Variants in LRRTM4 observed in about 807,000 individuals in gnomAD.
The protein encoded by LRRTM4 is leucine-rich repeat transmembrane neuronal protein 4.
Under a neutral mutation model 47.6 loss-of-function variants are expected in LRRTM4, and 25 were observed. The ratio of observed to expected loss-of-function variants is 0.53; its 90% CI spans 0.38 to 0.73. The LOEUF (loss-of-function observed/expected upper bound fraction) is 0.73. Ranked by LOEUF, LRRTM4 falls within the 30% of genes least tolerant of loss-of-function variation. The pLI, the probability that LRRTM4 is intolerant of heterozygous loss-of-function variation, is 0.00. For synonymous variants in LRRTM4, 311 were observed against 269.5 expected, an observed-to-expected ratio of 1.15 and a Z score of -1.51; for missense variants, 638 against 713.4, an observed-to-expected ratio of 0.89 and a Z score of 1.20.
At chr2:77,114,471 C>G (rs1320302403) in intron 3 of LRRTM4, among the ~76,000 whole-genome samples, 1 of 152,118 alleles carries the variant, frequency 6.6e-6, no homozygotes, top group African/African-American at 2.4e-5. Context: ...CACCAGTTGT[C>G]AGGGAGTAGA....
At chr2:76,910,176 A>G (rs1295544779) in intron 3 of LRRTM4, among the ~76,000 whole-genome samples, 3 of 152,196 alleles carry the variant, frequency 2.0e-5, no homozygotes, top group Non-Finnish European at 4.4e-5. Context: ...ATAAAAAATG[A>G]TAAGTTTATG....
At chr2:76,855,843 C>T (rs545586704) in intron 3 of LRRTM4, among the ~76,000 whole-genome samples, 1 of 152,078 alleles carries the variant, frequency 6.6e-6, no homozygotes, top group South Asian at 2.1e-4. Context: ...ACAAATAACG[C>T]TGTTATTGAA....
intron 3 of LRRTM4, among the ~76,000 whole-genome samples, chr2:77,320,819 T>C (rs1228007784): frequency 6.6e-6 from 1 of 152,092 alleles, no homozygotes; most frequent in Non-Finnish European, 1.5e-5. Flanking sequence ...GATGTGAATC[T>C]ATATGTAATG....
intron 3 of LRRTM4, among the ~76,000 whole-genome samples, chr2:76,950,145 A>T (rs575163917): frequency 6.6e-6 from 1 of 152,088 alleles, no homozygotes; most frequent in East Asian, 1.9e-4. Flanking sequence ...GCCCTCCCAA[A>T]CACTTCAGAG....
At chr2:76,962,642 T>C (rs1185593294) in intron 3 of LRRTM4, among the ~76,000 whole-genome samples, 1 of 150,778 alleles carries the variant, frequency 6.6e-6, no homozygotes, top group Non-Finnish European at 1.5e-5. Flanking sequence ...AATAAATTTA[T>C]AAGCAAATTC....
intron 3 of LRRTM4, among the ~76,000 whole-genome samples, chr2:77,053,790 C>G (rs532309580): frequency 6.6e-6 from 1 of 151,898 alleles, no homozygotes; most frequent in South Asian, 2.1e-4. Context: ...AAATTTTGAG[C>G]TAAAAGAGAT....
At chr2:77,435,507 G>A (rs192683995) in intron 3 of LRRTM4, among the ~76,000 whole-genome samples, 99 of 152,140 alleles carry the variant, frequency 6.5e-4, no homozygotes, top group Non-Finnish European at 1.1e-3. Context: ...TATATAAAAT[G>A]ATTATAATGA....
chr2:77,359,211 T>C (rs1573306908), intron 3 of LRRTM4, among the ~76,000 whole-genome samples: 1 of 152,180 alleles, frequency 6.6e-6, no homozygotes, highest in East Asian at 1.9e-4. Flanking sequence ...GTTCTTGTTT[T>C]ATGACTTTAT....
At chr2:76,992,785 A>G (rs1164559644) in intron 3 of LRRTM4, among the ~76,000 whole-genome samples, 2 of 151,332 alleles carry the variant, frequency 1.3e-5, no homozygotes, top group African/African-American at 4.9e-5. Context: ...TCTAAAATTC[A>G]TATGGAATAA....
chr2:76,791,970 A>G (rs1674999157), intron 3 of LRRTM4, among the ~76,000 whole-genome samples: 1 of 152,202 alleles, frequency 6.6e-6, no homozygotes, highest in African/African-American at 2.4e-5. Flanking sequence ...TTTGTATCAG[A>G]TCTGGGTCAT....
chr2:76,791,268 C>T (rs377192845), intron 3 of LRRTM4, among the ~76,000 whole-genome samples: 1 of 152,188 alleles, frequency 6.6e-6, no homozygotes, highest in East Asian at 1.9e-4. Flanking sequence ...CACAGAGCAC[C>T]TTACCATCCT....
intron 3 of LRRTM4, among the ~76,000 whole-genome samples, chr2:77,487,861 A>AAACCTGCCTGCAAAGAG (rs1303014645): frequency 3.3e-5 from 5 of 152,012 alleles, no homozygotes; most frequent in Non-Finnish European, 7.4e-5. Flanking sequence ...TGCTTTCCTA[A>AAACCTGCCTGCAAAGAG]AACCTGCCTG....
chr2:77,032,102 C>T (rs1054242422), intron 3 of LRRTM4, among the ~76,000 whole-genome samples: 2 of 152,184 alleles, frequency 1.3e-5, no homozygotes, highest in Admixed American at 6.6e-5. Flanking sequence ...TATTCTGCTC[C>T]TAATCAGCCT....
chr2:76,947,187 AAGT>A (rs1196367916), intron 3 of LRRTM4, among the ~76,000 whole-genome samples: 3 of 152,012 alleles, frequency 2.0e-5, no homozygotes, highest in African/African-American at 4.8e-5. Context: ...TGATAATAAT[AAGT>A]AGTAGTAGAA....
intron 3 of LRRTM4, among the ~76,000 whole-genome samples, chr2:76,774,451 A>G (rs1673868326): frequency 6.6e-6 from 1 of 152,216 alleles, no homozygotes; most frequent in South Asian, 2.1e-4. Context: ...TGGCCTCACA[A>G]AGTGCTGGGA....
intron 3 of LRRTM4, among the ~76,000 whole-genome samples, chr2:77,463,310 A>G (rs1010858607): frequency 7.2e-5 from 11 of 152,106 alleles, no homozygotes; most frequent in Non-Finnish European, 1.5e-4. Context: ...CATTGATGAA[A>G]GCATTGTTAT....
At chr2:76,765,821 C>A (rs1234242424) in intron 3 of LRRTM4, among the ~76,000 whole-genome samples, 1 of 152,178 alleles carries the variant, frequency 6.6e-6, no homozygotes, top group Non-Finnish European at 1.5e-5. Context: ...ATCACCATGG[C>A]CTGGTAAGGC....
chr2:77,443,518 A>G (rs1675927698), intron 3 of LRRTM4, among the ~76,000 whole-genome samples: 1 of 152,196 alleles, frequency 6.6e-6, no homozygotes. Context: ...AAGAAACAAC[A>G]TATACTTGAG....
chr2:77,223,988 C>T (rs1386492204), intron 3 of LRRTM4, among the ~76,000 whole-genome samples: 1 of 151,980 alleles, frequency 6.6e-6, no homozygotes, highest in African/African-American at 2.4e-5. Context: ...ACCAAAACAG[C>T]ATGGTACTGG....
Sources: allele counts gnomAD v4.1 joint callset (sites outside exome capture counted in the v4.1 genomes callset), GRCh38; gene constraint gnomAD v4.1.1; transcripts MANE v1.5; gene names NCBI Gene and HGNC (gene_info 2026-07-23, HGNC 2026-07-21).